FAM47E: variants seen among roughly 807,000 people sequenced by gnomAD.
FAM47E encodes protein FAM47E.
A neutral mutation model predicts 41.6 loss-of-function variants in FAM47E; 32 were observed. That is an observed-to-expected ratio of 0.77 (90% CI 0.58 to 1.03). The LOEUF (loss-of-function observed/expected upper bound fraction) is 1.03, where lower values mean the gene tolerates loss of function less well. Ranked by LOEUF, FAM47E falls within the 50% of genes least tolerant of loss-of-function variation. FAM47E has a pLI of 0.00. For missense variants in FAM47E, 424 were observed against 485.4 expected, an observed-to-expected ratio of 0.87 and a Z score of 1.19; for synonymous variants, 184 against 188.7, an observed-to-expected ratio of 0.98 and a Z score of 0.20.
intron 3 of FAM47E, among the ~76,000 whole-genome samples, chr4:76,267,230 G>A (rs907718619): frequency 2.0e-5 from 3 of 152,190 alleles, no homozygotes; most frequent in Non-Finnish European, 2.9e-5. Flanking sequence ...TGAGTGTTAT[G>A]AATAAAAGGT....
chr4:76,217,563 CT>C, intron 1 of FAM47E: 3 of 511,326 alleles, frequency 5.9e-6, no homozygotes, highest in Non-Finnish European at 7.1e-6. Flanking sequence ...GGTGTGCTCC[CT>C]TTCTGCCTTC....
At chr4:76,261,121 G>A (rs769246510) in intron 2 of FAM47E, among the ~76,000 whole-genome samples, 6 of 151,802 alleles carry the variant, frequency 4.0e-5, no homozygotes, top group Non-Finnish European at 8.8e-5. Flanking sequence ...AATGAGATAC[G>A]AGATACCATC....
intron 3 of FAM47E, among the ~76,000 whole-genome samples, chr4:76,266,722 A>G (rs1331050123): frequency 1.3e-5 from 2 of 152,214 alleles, no homozygotes; most frequent in African/African-American, 4.8e-5. Context: ...AGTAAAATCC[A>G]AAGTCCTTAC....
intron 2 of FAM47E, among the ~76,000 whole-genome samples, chr4:76,244,282 G>A (rs1343935298): frequency 6.6e-6 from 1 of 152,066 alleles, no homozygotes; most frequent in Non-Finnish European, 1.5e-5. Context: ...GGGTCAAATG[G>A]TATTTCTAGT....
intron 2 of FAM47E, among the ~76,000 whole-genome samples, chr4:76,246,473 A>G (rs1578765760): frequency 6.6e-6 from 1 of 152,090 alleles, no homozygotes; most frequent in East Asian, 1.9e-4. Flanking sequence ...TTGTTTCTTT[A>G]TGTGATAATG....
chr4:76,233,572 T>TCA (rs879323914), intron 2 of FAM47E, among the ~76,000 whole-genome samples: 1 of 71,596 alleles, frequency 1.4e-5, no homozygotes, highest in African/African-American at 4.9e-5. Context: ...TTTACAGACA[T>TCA]CACACACACA....
chr4:76,251,952 C>T (rs1304053040), intron 1 of FAM47E, 132 bp downstream of exon 1: 4 of 1,187,196 alleles, frequency 3.4e-6, no homozygotes, highest in East Asian at 3.2e-5. Context: ...GCTTCCTGTA[C>T]GTACAACATA....
At chr4:76,268,849 T>C (rs1400617797) in intron 4 of FAM47E, 81 bp downstream of exon 4, 2 of 1,506,906 alleles carry the variant, frequency 1.3e-6, no homozygotes, top group Non-Finnish European at 8.9e-7. Context: ...TACTTTTAAA[T>C]GTCAAGCTCA....
chr4:76,232,218 CA>C, intron 2 of FAM47E, among the ~76,000 whole-genome samples: 1 of 152,290 alleles, frequency 6.6e-6, no homozygotes, highest in South Asian at 2.1e-4. Context: ...ATATTCCAAG[CA>C]AAAGTCAAAA....
At chr4:76,283,160 G>A (rs2110032853) in intron 7 of FAM47E, 1 of 386,764 alleles carries the variant, frequency 2.6e-6, no homozygotes, top group Non-Finnish European at 4.8e-6. Context: ...CTTGGGCACA[G>A]AACAAGTGTG....
At chr4:76,258,327 A>T (rs760961953) in intron 2 of FAM47E, among the ~76,000 whole-genome samples, 24 of 152,220 alleles carry the variant, frequency 1.6e-4, no homozygotes, top group Non-Finnish European at 3.1e-4. Flanking sequence ...TCATGTGTCT[A>T]TTCCAAAGTC....
intron 2 of FAM47E, among the ~76,000 whole-genome samples, chr4:76,238,681 T>C (rs1733637864): frequency 6.6e-6 from 1 of 152,104 alleles, no homozygotes; most frequent in Admixed American, 6.5e-5. Flanking sequence ...AATAGGAGGG[T>C]GCTTAGTCAT....
chr4:76,263,941 T>A, intron 3 of FAM47E, 98 bp downstream of exon 3: 1 of 1,451,674 alleles, frequency 6.9e-7, no homozygotes, highest in Non-Finnish European at 9.2e-7. Context: ...ATACTTCTAA[T>A]GAAGCAAATG....
At chr4:76,229,652 TG>T (rs1733459269) in intron 2 of FAM47E, among the ~76,000 whole-genome samples, 1 of 152,204 alleles carries the variant, frequency 6.6e-6, no homozygotes, top group Non-Finnish European at 1.5e-5. Flanking sequence ...GGCTCCAGGC[TG>T]GTGCTGAGAA....
chr4:76,262,773 G>GT (rs1267633619), intron 2 of FAM47E, among the ~76,000 whole-genome samples: 1 of 151,846 alleles, frequency 6.6e-6, no homozygotes, highest in Non-Finnish European at 1.5e-5. Flanking sequence ...TTTTTTGTTT[G>GT]TTTTTTTGAG....
chr4:76,228,411 G>A (rs1174359284), intron 2 of FAM47E, among the ~76,000 whole-genome samples: 1 of 151,674 alleles, frequency 6.6e-6, no homozygotes, highest in Non-Finnish European at 1.5e-5. Flanking sequence ...CCCGGAAGGT[G>A]AAGGTTACAG....
At chr4:76,223,660 A>G (rs988523886) in intron 2 of FAM47E, among the ~76,000 whole-genome samples, 4 of 152,206 alleles carry the variant, frequency 2.6e-5, no homozygotes, top group Non-Finnish European at 4.4e-5. Context: ...GCATTTGAAC[A>G]AGAACAACCT....
intron 2 of FAM47E, among the ~76,000 whole-genome samples, chr4:76,246,576 A>G (rs1204988859): frequency 6.6e-6 from 1 of 152,066 alleles, no homozygotes; most frequent in Non-Finnish European, 1.5e-5. Flanking sequence ...AAAATGCACA[A>G]ATCTGATGTG....
At chr4:76,275,880 C>G (rs1355893053) in intron 5 of FAM47E, among the ~76,000 whole-genome samples, 1 of 152,110 alleles carries the variant, frequency 6.6e-6, no homozygotes, top group Admixed American at 6.6e-5. Context: ...GGGCAATTTG[C>G]CCCCCTTCCT....
Sources: gnomAD v4.1 joint callset for allele counts (sites outside exome capture counted in the v4.1 genomes callset) on GRCh38, gnomAD v4.1.1 for gene constraint, MANE v1.5 for transcripts, NCBI Gene and HGNC (gene_info 2026-07-23, HGNC 2026-07-21) for gene names.